AOX1: variants seen among roughly 807,000 people sequenced by gnomAD.
AOX1 encodes aldehyde oxidase 1, also known as aldehyde oxidase.
A neutral mutation model predicts 169.5 loss-of-function variants in AOX1; 153 were observed. The ratio of observed to expected loss-of-function variants is 0.90; its 90% confidence interval spans 0.79 to 1.03. The LOEUF (loss-of-function observed/expected upper bound fraction) is 1.03. Among genes scored for constraint, AOX1 ranks in the 50% least tolerant of loss-of-function variants. AOX1 has a pLI of 0.00. For missense variants in AOX1, 1,656 were observed against 1,663.9 expected (o/e 1.00, Z 0.08); for synonymous variants, 562 against 581.9 (o/e 0.97, Z 0.49).
downstream of AOX1, among the ~76,000 whole-genome samples, chr2:200,672,515 A>T (rs2036043982): frequency 6.6e-6 from 1 of 152,242 alleles, no homozygotes; most frequent in Non-Finnish European, 1.5e-5. Context: ...TTTCTCATTT[A>T]TACCACAAGT....
At chr2:200,612,850 G>A in intron 14 of AOX1, 57 bp downstream of exon 14, 1 of 1,425,954 alleles carries the variant, frequency 7.0e-7, no homozygotes, top group Non-Finnish European at 9.5e-7. Flanking sequence ...CCAAGTATTA[G>A]AGGAGCCCTT....
intron 20 of AOX1, among the ~76,000 whole-genome samples, chr2:200,632,689 G>A (rs796735505): frequency 1.3e-5 from 2 of 151,516 alleles, no homozygotes; most frequent in African/African-American, 4.8e-5. Flanking sequence ...ATTATTTCAG[G>A]GTAAATCCGT....
At chr2:200,646,734 G>A (rs1300474280) in intron 25 of AOX1, among the ~76,000 whole-genome samples, 1 of 152,050 alleles carries the variant, frequency 6.6e-6, no homozygotes, top group Non-Finnish European at 1.5e-5. Flanking sequence ...AAATTTGGGA[G>A]CTCCAGTGTT....
At chr2:200,604,187 T>G (rs552166198) in intron 8 of AOX1, 90 bp downstream of exon 8, 6 of 966,912 alleles carry the variant, frequency 6.2e-6, no homozygotes, top group Non-Finnish European at 9.9e-6. Context: ...CAAAAGCTGA[T>G]TGGCAAATAG....
chr2:200,666,758 T>C lies in AOX1; in HGVS notation c.3609+6T>C, dbSNP rs2035931050. The stretch of plus-strand genomic sequence containing the variant: ...CAGCCATTGACATAGGCCAGGTACG[T>C]GTAACTGATGTGTCTCACTTTCTAT... On this transcript the variant is annotated splice_donor_region_variant and intron_variant, in intron 32 of 34. Coordinates refer to ENST00000374700, the MANE Select transcript of AOX1 (RefSeq NM_001159.4). 2 of 1,603,436 alleles carry C rather than the reference T, an allele frequency of 1.2e-6. No homozygotes were observed. The highest frequency in any genetic ancestry group is 2.7e-5 in the African/African-American group (2 of 74,558).
chr2:200,673,453 T>G (rs898182786), downstream of AOX1, among the ~76,000 whole-genome samples: 1 of 152,202 alleles, frequency 6.6e-6, no homozygotes, highest in Non-Finnish European at 1.5e-5. Context: ...CGAAATCCTG[T>G]CAATCCCACA....
At chr2:200,630,657 A>G (rs912270055) in intron 20 of AOX1, among the ~76,000 whole-genome samples, 17 of 152,140 alleles carry the variant, frequency 1.1e-4, no homozygotes, top group African/African-American at 3.6e-4. Flanking sequence ...AGGCAAAAGA[A>G]AACCAATTTT....
chr2:200,672,233 T>C (rs190914604), downstream of AOX1, among the ~76,000 whole-genome samples: 11 of 152,354 alleles, frequency 7.2e-5, no homozygotes, highest in Non-Finnish European at 1.5e-4. Context: ...CGTGTGAATA[T>C]ACTAAAAACC....
chr2:200,611,518 C>T (rs1211402507), intron 13 of AOX1, 25 bp downstream of exon 13: 3 of 1,409,312 alleles, frequency 2.1e-6, no homozygotes, highest in South Asian at 1.2e-5. Context: ...CTGTCAATTT[C>T]CCAGTTGCAC....
In AOX1 at chr2:200,666,661, A is replaced by G. The variant is rs537535245; in HGVS notation, c.3544-26A>G. 5.8e-6 allele frequency: 9 copies of G among 1,554,080 alleles called. No homozygotes were observed. The South Asian group carries it at 1.1e-4, about 18-fold the overall frequency. ...CCCTAAGTTATTCTCATTAAAATAA[A>G]CATTTTAACTTTTTTTTAATACTAG... is the stretch of plus-strand genomic sequence containing the variant. On this transcript the variant is annotated intron_variant, in intron 31 of 34. Transcript: ENST00000374700.
chr2:200,602,993 TTATTAA>T (rs2034447180), intron 6 of AOX1, among the ~76,000 whole-genome samples: 1 of 152,188 alleles, frequency 6.6e-6, no homozygotes, highest in Admixed American at 6.5e-5. Context: ...CAGTTAATCA[TTATTAA>T]TATTTACTAT....
intron 32 of AOX1, among the ~76,000 whole-genome samples, chr2:200,668,143 T>G (rs539297427): frequency 5.3e-5 from 8 of 151,844 alleles, no homozygotes; most frequent in African/African-American, 1.9e-4. Flanking sequence ...TTTGCTCTTG[T>G]TGCCCGGGCT....
chr2:200,642,476 G>A, intron 24 of AOX1, 134 bp from the exon 25 acceptor site: 1 of 596,252 alleles, frequency 1.7e-6, no homozygotes. Context: ...TTTAATTGGG[G>A]GCATGGGAAT....
chr2:200,657,190 A>ATATATATATATATATATATATATTTTTT, intron 27 of AOX1, among the ~76,000 whole-genome samples: 5 of 62,876 alleles, frequency 8.0e-5, no homozygotes, highest in Non-Finnish European at 1.0e-4. Flanking sequence ...ATATATATAT[A>ATATATATATATATATATATATATTTTTT]TTTTTTTTTT....
At chr2:200,605,061 A>G (rs986400366) in intron 9 of AOX1, among the ~76,000 whole-genome samples, 3 of 152,188 alleles carry the variant, frequency 2.0e-5, no homozygotes, top group African/African-American at 4.8e-5. Flanking sequence ...CAGTGTCAAG[A>G]GTTGTACCGA....
intron 25 of AOX1, among the ~76,000 whole-genome samples, chr2:200,648,158 A>T (rs886500437): frequency 1.3e-5 from 2 of 152,052 alleles, no homozygotes; most frequent in African/African-American, 2.4e-5. Context: ...GGGGTGTTGA[A>T]GAGCCTTGTT....
At chr2:200,623,246 G>T (rs1468754113) in intron 18 of AOX1, among the ~76,000 whole-genome samples, 2 of 152,112 alleles carry the variant, frequency 1.3e-5, no homozygotes, top group Non-Finnish European at 2.9e-5. Flanking sequence ...TTCTGCTGTG[G>T]TCCCTGTGTG....
At chr2:200,665,456 G>A (rs2035908526) in intron 31 of AOX1, among the ~76,000 whole-genome samples, 1 of 152,172 alleles carries the variant, frequency 6.6e-6, no homozygotes, top group Non-Finnish European at 1.5e-5. Flanking sequence ...TTTTGAGGTG[G>A]ATTCTTGCTC....
downstream of AOX1, among the ~76,000 whole-genome samples, chr2:200,672,457 G>A (rs972452661): frequency 2.0e-5 from 3 of 152,182 alleles, no homozygotes; most frequent in Non-Finnish European, 2.9e-5. Context: ...CGCCATTTCC[G>A]TTAAGAGCAG....
Sources: allele counts gnomAD v4.1 joint callset (sites outside exome capture counted in the v4.1 genomes callset), GRCh38; gene constraint gnomAD v4.1.1; transcripts MANE v1.5; gene names NCBI Gene and HGNC (gene_info 2026-07-23, HGNC 2026-07-21).